ST3GAL5: variants seen among roughly 807,000 people sequenced by gnomAD.
ST3GAL5 encodes the protein lactosylceramide alpha-2,3-sialyltransferase.
A neutral mutation model predicts 46.1 loss-of-function variants in ST3GAL5; 25 were observed. The ratio of observed to expected loss-of-function variants is 0.54; its 90% CI spans 0.40 to 0.76. The LOEUF (loss-of-function observed/expected upper bound fraction) is 0.76, where lower values mean the gene tolerates loss of function less well. Ranked by LOEUF, ST3GAL5 falls within the 30% of genes least tolerant of loss-of-function variation. ST3GAL5 has a pLI of 0.00. For missense variants in ST3GAL5, 431 were observed against 521.2 expected (o/e 0.83, Z 1.69); for synonymous variants, 182 against 192.7 (o/e 0.94, Z 0.46).
At chr2:85,852,579 G>A (rs1683639462) in intron 3 of ST3GAL5, among the ~76,000 whole-genome samples, 1 of 152,162 alleles carries the variant, frequency 6.6e-6, no homozygotes, top group Non-Finnish European at 1.5e-5. Flanking sequence ...TGGGGTTGAG[G>A]GTGGGGACTG....
At position 85,847,939 on chromosome 2, in the gene ST3GAL5, C is replaced by G. The variant is rs886037930; in HGVS notation, c.584G>C (p.Cys195Ser). The G allele has an allele frequency of 1.2e-6, 2 of 1,614,092 alleles. No individual in the cohort carries two copies. Among genetic ancestry groups the G allele is most frequent in the East Asian group, 4.5e-5 (2 of 44,904 alleles). The change falls in exon 4 of 7, where the codon TGT (cysteine) becomes TCT (serine). Residue 195 changes from cysteine (C) to serine (S), a missense_variant. Physicochemically the swap from Cys to Ser is moderately radical, Grantham distance 112. Coordinates refer to ENST00000638572, the MANE Select transcript of ST3GAL5 (RefSeq NM_003896.4). ...EHLKAKTCRRCVVIGSGGILH... is the reference protein window; with the variant it reads ...EHLKAKTCRRSVVIGSGGILH... ...TATTCCTCCGCTTCCAATAACCACACAGCGCCGACAGGTCTTGGCTTTCAA... is the reference window on the plus strand; with the variant it reads ...TATTCCTCCGCTTCCAATAACCACAGAGCGCCGACAGGTCTTGGCTTTCAA...
chr2:85,877,110 C>T (rs1284927374), intron 1 of ST3GAL5, among the ~76,000 whole-genome samples: 1 of 152,128 alleles, frequency 6.6e-6, no homozygotes, highest in Non-Finnish European at 1.5e-5. Flanking sequence ...CATGATGACA[C>T]CTACCCCTAA....
chr2:85,853,459 G>A (rs1683763129), intron 3 of ST3GAL5: 1 of 211,058 alleles, frequency 4.7e-6, no homozygotes, highest in African/African-American at 2.3e-5. Flanking sequence ...GAGCTAACAG[G>A]GCCCCACCCT....
chr2:85,846,448 A>G lies in ST3GAL5; in HGVS notation c.778T>C (p.Leu260=), dbSNP rs752738939. 3.1e-6 allele frequency: 5 copies of G among 1,614,232 alleles called. No individual in the cohort carries two copies. In the Admixed American group the frequency reaches 8.3e-5, roughly 27 times the overall value. Residue 260 remains leucine, a synonymous_variant, in exon 5 of 7, where the codon TTA becomes CTA. Transcript: ENST00000638572. The part of the protein sequence containing the change: ...LSDLEYYSND[L]FVAVLFKSVD... Reference sequence around the variant, plus strand: ...CTCTTAAATAAAACAGCAACAAATAAGTCATTGGAATAATATTCAAGGTCA... The same window carrying G: ...CTCTTAAATAAAACAGCAACAAATAGGTCATTGGAATAATATTCAAGGTCA...
At chr2:85,844,651 T>C in intron 5 of ST3GAL5, 97 bp from the exon 6 acceptor site, 1 of 1,545,034 alleles carries the variant, frequency 6.5e-7, no homozygotes, top group Non-Finnish European at 8.9e-7. Flanking sequence ...TGACCCCATG[T>C]GGCCCTGTGC....
rs932688228 is a variant in ST3GAL5, at chr2:85,838,315, C to A, written c.*1829G>T. 6.6e-6 allele frequency: 1 copy of A among 152,108 alleles called. No individual in the cohort carries two copies. The highest frequency in any genetic ancestry group is 2.4e-5 in the African/African-American group (1 of 41,392). 9.4% of individuals were successfully genotyped at this position (152,108 alleles called of 1,614,324 possible). A position where few individuals can be genotyped will look rare whatever the true frequency, so the allele number is the denominator to read the frequency against. ...CCTTGAGAAGCAGGTAGGCAAGTCT[C>A]CTCATACCAGCAAGGAGGCGCTCGT... On this transcript the variant is annotated 3_prime_UTR_variant, in exon 7 of 7. Coordinates refer to ENST00000638572, the MANE Select transcript of ST3GAL5 (RefSeq NM_003896.4).
In ST3GAL5 at chr2:85,848,018, T is replaced by A. The variant is rs1683018241; in HGVS notation, c.505A>T (p.Ser169Cys). 1 of 1,614,180 alleles carries A rather than the reference T, an allele frequency of 6.2e-7. No individual in the cohort carries two copies. The highest frequency in any genetic ancestry group is 8.5e-7 in the Non-Finnish European group (1 of 1,180,028). ...AGTTCCAAGAGGGTCTGGACTTTAC[T>A]GGAGAACTTCCGGAACCCAAAAGGA... The part of the protein sequence containing the change: ...DPPFGFRKFS[S>C]KVQTLLELLP... Residue 169 changes from serine to cysteine, a missense_variant, in exon 4 of 7, where the codon AGT becomes TGT. Coordinates refer to ENST00000638572, the MANE Select transcript of ST3GAL5 (RefSeq NM_003896.4).
At chr2:85,870,336 G>C (rs1685788063) in intron 1 of ST3GAL5, 1 of 445,228 alleles carries the variant, frequency 2.2e-6, no homozygotes, top group Admixed American at 2.4e-5. Context: ...GAGGGTTTCG[G>C]AGGCGATGGT....
chr2:85,861,005 G>C, intron 3 of ST3GAL5, 176 bp downstream of exon 3: 1 of 618,140 alleles, frequency 1.6e-6, no homozygotes, highest in Non-Finnish European at 2.9e-6. Context: ...AGTAGTTAGT[G>C]GTGGGTTTTT....
intron 3 of ST3GAL5, chr2:85,849,750 G>A (rs376984093): frequency 1.3e-5 from 2 of 152,156 alleles, no homozygotes; most frequent in South Asian, 2.1e-4. Flanking sequence ...CCCCTGTCAG[G>A]TAGTTCTTCC....
At chr2:85,880,890 T>C (rs745776813) in intron 1 of ST3GAL5, 9 of 518,360 alleles carry the variant, frequency 1.7e-5, no homozygotes, top group Non-Finnish European at 2.3e-5. Context: ...TTTTAACTTA[T>C]CTATGTTGGA....
At chr2:85,870,339 G>A (rs1685788356) in intron 1 of ST3GAL5, 2 of 443,666 alleles carry the variant, frequency 4.5e-6, no homozygotes, top group African/African-American at 2.0e-5. Flanking sequence ...GGTTTCGGAG[G>A]CGATGGTGGT....
intron 6 of ST3GAL5, among the ~76,000 whole-genome samples, chr2:85,842,762 CTT>C (rs765907064): frequency 1.4e-4 from 19 of 140,118 alleles, no homozygotes; most frequent in South Asian, 2.3e-4. Flanking sequence ...TGTTCTGTAT[CTT>C]TTTTTTTTTT....
At chr2:85,845,008 A>C in intron 5 of ST3GAL5, 1 of 242,294 alleles carries the variant, frequency 4.1e-6, no homozygotes, top group South Asian at 5.4e-5. Flanking sequence ...TAGAAAATCC[A>C]GAAGACCATG....
chr2:85,840,376 C>A lies in ST3GAL5; in HGVS notation c.1025G>T (p.Gly342Val), dbSNP rs1434601459. The A allele has an allele frequency of 3.1e-6, 5 of 1,613,936 alleles. No individual in the cohort carries two copies. The highest frequency in any genetic ancestry group is 2.7e-5 in the African/African-American group (2 of 74,880). The change falls in exon 7 of 7, where the codon GGT becomes GTT. Residue 342 changes from glycine (G) to valine (V), a missense_variant. By Grantham distance (109) the Gly-to-Val change is moderately radical. Transcript: ENST00000638572. ...WGRDKNVPTIGVIAVVLATHL... is the reference protein window; with the variant it reads ...WGRDKNVPTIVVIAVVLATHL... ...TGTGGCTAAGACAACGGCAATGACA[C>A]CGATTGTGGGGACGTTCTGAGAAAG...
At position 85,844,526 on chromosome 2, in the gene ST3GAL5, T is replaced by C. The variant is rs762577554; in HGVS notation, c.878A>G (p.Lys293Arg). ...CAGTGGGATTTTTTCTGCCACCTGCTTCCAAAAGAAGAGTCGTACCCAGAA... is the reference window on the plus strand; with the variant it reads ...CAGTGGGATTTTTTCTGCCACCTGCCTCCAAAAGAAGAGTCGTACCCAGAA... ...LPFWVRLFFW[K>R]QVAEKIPLQP... Residue 293 changes from lysine (K) to arginine (R), a missense_variant, in exon 6 of 7, where the codon AAG (lysine) becomes AGG (arginine). Physicochemically the swap from Lys to Arg is conservative, Grantham distance 26 (BLOSUM62 2). Coordinates refer to ENST00000638572, the MANE Select transcript of ST3GAL5 (RefSeq NM_003896.4). 2 of 1,614,122 alleles carry C rather than the reference T, an allele frequency of 1.2e-6. No individual in the cohort carries two copies. The highest frequency in any genetic ancestry group is 8.5e-7 in the Non-Finnish European group (1 of 1,180,018).
At chr2:85,847,076 G>A (rs1682884329) in intron 4 of ST3GAL5, among the ~76,000 whole-genome samples, 2 of 152,144 alleles carry the variant, frequency 1.3e-5, no homozygotes, top group South Asian at 4.1e-4. Flanking sequence ...TTATAGGCAT[G>A]AGCCACTGCG....
intron 3 of ST3GAL5, chr2:85,853,865 T>C (rs549702406): frequency 6.6e-6 from 1 of 152,272 alleles, no homozygotes; most frequent in Non-Finnish European, 1.5e-5. Context: ...CCACCTCTTC[T>C]GCGTGGAAGG....
chr2:85,840,611 T>C, intron 6 of ST3GAL5: 2 of 591,270 alleles, frequency 3.4e-6, no homozygotes, highest in East Asian at 3.0e-5. Context: ...TCACACACTT[T>C]CAAGGGGCAG....
Sources: allele counts gnomAD v4.1 joint callset (sites outside exome capture counted in the v4.1 genomes callset), GRCh38; gene constraint gnomAD v4.1.1; transcripts MANE v1.5; gene names NCBI Gene and HGNC (gene_info 2026-07-23, HGNC 2026-07-21).